Variants in EIF3B observed in about 807,000 individuals in gnomAD.
The protein encoded by EIF3B is eukaryotic translation initiation factor 3 subunit 9.
A neutral mutation model predicts 104.6 loss-of-function variants in EIF3B; 10 were observed. The observed-to-expected ratio is 0.10, with a 90% CI of 0.06 to 0.16. The LOEUF is 0.16. Among genes scored for constraint, EIF3B ranks in the 10% least tolerant of loss-of-function variants. The pLI, the probability that EIF3B is intolerant of heterozygous loss-of-function variation, is 1.00. For synonymous variants in EIF3B, 542 were observed against 417.2 expected (o/e 1.30, Z -3.65); for missense variants, 1,014 against 1,087.9 (o/e 0.93, Z 0.96).
At chr7:2,361,093 G>A (rs1013676707) in intron 2 of EIF3B, among the ~76,000 whole-genome samples, 191 bp downstream of exon 2, 5 of 152,148 alleles carry the variant, frequency 3.3e-5, no homozygotes, top group African/African-American at 4.8e-5. Flanking sequence ...GTTTTTTTAA[G>A]TTAAGGTTTT....
At chr7:2,362,972 GGGCA>G in intron 3 of EIF3B, 94 bp from the exon 4 acceptor site, 1 of 1,495,154 alleles carries the variant, frequency 6.7e-7, no homozygotes, top group Non-Finnish European at 9.3e-7. Flanking sequence ...CCCTGGGGGC[GGGCA>G]GGCAGGAGCA....
At chr7:2,378,262 T>A (rs6948075) in intron 15 of EIF3B, 35 of 178,136 alleles carry the variant, frequency 2.0e-4, no homozygotes, top group African/African-American at 7.3e-4. Context: ...ACTGCTGGGA[T>A]GCTGTGTTGT....
At chr7:2,357,114 C>G (rs562216802) in intron 1 of EIF3B, among the ~76,000 whole-genome samples, 177 of 152,260 alleles carry the variant, frequency 1.2e-3, no homozygotes, top group African/African-American at 4.1e-3. Context: ...ATTTTGAGCC[C>G]TTGGATATTC....
intron 5 of EIF3B, 113 bp from the exon 6 acceptor site, chr7:2,364,259 C>CA (rs754839997): frequency 0.068 from 53,403 of 790,348 alleles, no homozygotes; most frequent in East Asian, 0.073. Flanking sequence ...GACTCCGTCT[C>CA]AAAAAAAAAA....
chr7:2,362,036 T>C (rs1779761014), intron 2 of EIF3B, among the ~76,000 whole-genome samples: 1 of 152,158 alleles, frequency 6.6e-6, no homozygotes, highest in South Asian at 2.1e-4. Context: ...CTTGGCTCAC[T>C]GCAACCTCCG....
chr7:2,376,165 T>G (rs1054061), intron 14 of EIF3B: 5,262 of 153,132 alleles, frequency 0.034, 281 homozygotes, highest in African/African-American at 0.12. Flanking sequence ...CCAGGTATGT[T>G]CAGATGTCAC....
intron 18 of EIF3B, chr7:2,379,795 A>G (rs1005682131): frequency 4.7e-6 from 2 of 422,546 alleles, no homozygotes; most frequent in African/African-American, 2.0e-5. Flanking sequence ...GAGGGTGGCC[A>G]TGCCTGGCCA....
At position 2,380,550 on chromosome 7, in the gene EIF3B, G is replaced by A; in HGVS notation, c.*361G>A. On this transcript the variant is annotated 3_prime_UTR_variant, in exon 19 of 19. Transcript: ENST00000360876. Reference sequence around the variant, plus strand: ...GGCGGCACCTTCTCCTGCGCCCAGTGATGTTTCCACGGTGCCTGTACACAG... The same window carrying A: ...GGCGGCACCTTCTCCTGCGCCCAGTAATGTTTCCACGGTGCCTGTACACAG... 1 of 394,490 alleles carries A rather than the reference G, an allele frequency of 2.5e-6. No homozygotes were observed. The highest frequency in any genetic ancestry group is 5.0e-6 in the Non-Finnish European group (1 of 198,766). 24.4% of individuals were successfully genotyped at this position (394,490 alleles called of 1,614,324 possible). A position where few individuals can be genotyped will look rare whatever the true frequency, so the allele number is the denominator to read the frequency against.
intron 1 of EIF3B, among the ~76,000 whole-genome samples, chr7:2,360,315 A>T (rs1209374728): frequency 6.6e-6 from 1 of 152,212 alleles, no homozygotes; most frequent in East Asian, 1.9e-4. Context: ...TTGGGATGGG[A>T]TTCTGCCTGC....
chr7:2,371,909 C>A, intron 11 of EIF3B, 60 bp downstream of exon 11: 1 of 1,338,756 alleles, frequency 7.5e-7, no homozygotes, highest in Non-Finnish European at 1.1e-6. Context: ...TTACTCTTGG[C>A]TTTAACACTT....
intron 10 of EIF3B, 58 bp from the exon 11 acceptor site, chr7:2,371,719 C>G: frequency 7.6e-7 from 1 of 1,311,308 alleles, no homozygotes; most frequent in Non-Finnish European, 1.1e-6. Context: ...TTGATTTAAA[C>G]CTTTTCTCAT....
intron 4 of EIF3B, 125 bp from the exon 5 acceptor site, chr7:2,363,507 A>T: frequency 1.2e-6 from 1 of 829,154 alleles, no homozygotes; most frequent in Non-Finnish European, 1.8e-6. Flanking sequence ...TCTTGACTTG[A>T]GGTTAGGGTG....
In EIF3B at chr7:2,363,074, A is replaced by G. The variant is rs746365191; in HGVS notation, c.817A>G (p.Met273Val). ...VNLFTDFDKY[M>V]TISDEWDIPE... ...GCAGTCTCCTTTCTTCTCCAGGTAT[A>G]TGACGATCAGTGACGAGTGGGATAT... Residue 273 changes from methionine (M) to valine (V), a missense_variant, in exon 4 of 19, where the codon ATG (methionine) becomes GTG (valine). By Grantham distance (21) the Met-to-Val change is conservative. Around this residue, in one of 4 missense-constraint regions of EIF3B, gnomAD observed 488 missense variants for 404.3 expected, o/e 1.21. Coordinates refer to ENST00000360876, the MANE Select transcript of EIF3B (RefSeq NM_001037283.2). 4 of 1,614,034 alleles carry G rather than the reference A, an allele frequency of 2.5e-6. No homozygotes were observed. The highest frequency in any genetic ancestry group is 3.4e-6 in the Non-Finnish European group (4 of 1,180,006).
intron 13 of EIF3B, chr7:2,375,122 C>G: frequency 2.0e-6 from 1 of 495,754 alleles, no homozygotes; most frequent in South Asian, 2.7e-5. Flanking sequence ...TCCACACTTG[C>G]TACTGTATTT....
At chr7:2,374,798 GCA>G in intron 13 of EIF3B, 192 bp downstream of exon 13, 1 of 497,134 alleles carries the variant, frequency 2.0e-6, no homozygotes, top group Non-Finnish European at 3.6e-6. Context: ...GGCCAAGCCC[GCA>G]CAGAGTGAAA....
At chr7:2,372,141 G>C in intron 11 of EIF3B, 1 of 393,124 alleles carries the variant, frequency 2.5e-6, no homozygotes, top group South Asian at 3.1e-5. Flanking sequence ...CAGGAGCAGA[G>C]GTTGCAGTGA....
chr7:2,372,928 T>C (rs1048215190), intron 12 of EIF3B, 133 bp downstream of exon 12: 2 of 1,021,502 alleles, frequency 2.0e-6, no homozygotes, highest in Non-Finnish European at 1.3e-6. Context: ...GAATGGGGTG[T>C]GGCCTCGGCT....
chr7:2,371,016 TTG>T (rs1780306878), intron 10 of EIF3B, among the ~76,000 whole-genome samples: 2 of 152,110 alleles, frequency 1.3e-5, no homozygotes, highest in African/African-American at 4.8e-5. Flanking sequence ...TGAGCCGAGA[TTG>T]CACCACTGCA....
chr7:2,365,865 A>G (rs1352760289), intron 6 of EIF3B, among the ~76,000 whole-genome samples: 2 of 151,980 alleles, frequency 1.3e-5, no homozygotes, highest in Non-Finnish European at 2.9e-5. Context: ...TAGTAGAGAC[A>G]GGGTCTCACC....
Sources: gnomAD v4.1 joint callset for allele counts (sites outside exome capture counted in the v4.1 genomes callset) on GRCh38, gnomAD v4.1.1 for gene constraint, gnomAD v4.1.1 regional missense constraint, MANE v1.5 for transcripts, NCBI Gene and HGNC (gene_info 2026-07-23, HGNC 2026-07-21) for gene names.